Variants in YME1L1 observed in about 807,000 individuals in gnomAD.
The protein encoded by YME1L1 is YME1 like 1 ATPase.
In YME1L1, 39 loss-of-function variants were observed where a neutral mutation model predicts 90.4. The observed-to-expected ratio is 0.43, with a 90% CI of 0.33 to 0.56. YME1L1 has a LOEUF of 0.56. Ranked by LOEUF, YME1L1 falls within the 20% of genes least tolerant of loss-of-function variation. YME1L1 has a pLI of 0.03. For missense variants in YME1L1, 617 were observed against 868.4 expected, an observed-to-expected ratio of 0.71 and a Z score of 3.64; for synonymous variants, 284 against 287.3, an observed-to-expected ratio of 0.99 and a Z score of 0.12.
intron 1 of YME1L1, 29 bp downstream of exon 1, chr10:27,154,148 GA>G (rs750650848): frequency 3.0e-5 from 47 of 1,574,532 alleles, no homozygotes; most frequent in South Asian, 4.6e-5. Flanking sequence ...AGGGCGGGAG[GA>G]AAAAAAATGG....
intron 2 of YME1L1, chr10:27,147,553 A>G: frequency 6.2e-7 from 1 of 1,608,830 alleles, no homozygotes; most frequent in Non-Finnish European, 8.5e-7. Flanking sequence ...GGTTGTGTCC[A>G]AGCTCTTCTT....
At chr10:27,113,260 A>AT (rs1564453899) in intron 18 of YME1L1, among the ~76,000 whole-genome samples, 1 of 111,616 alleles carries the variant, frequency 9.0e-6, no homozygotes, top group Admixed American at 1.0e-4. Context: ...AAAAAAAAAA[A>AT]AAAGACCTGC....
rs977813176 is a variant in YME1L1 at position 27,148,889 on chromosome 10, C to G, written c.168+17G>C. ...ATATCAAAAAGGCTTTCTCACACAA[C>G]CAGGATAAAGACTTACCTCACTGCT... On this transcript the variant is annotated intron_variant, in intron 2 of 18. Coordinates refer to ENST00000376016, the MANE Select transcript of YME1L1 (RefSeq NM_014263.4). The G allele has an allele frequency of 6.2e-7, 1 of 1,612,740 alleles. No homozygotes were observed. Among genetic ancestry groups the G allele is most frequent in the African/African-American group, 1.3e-5 (1 of 74,946 alleles).
intron 9 of YME1L1, among the ~76,000 whole-genome samples, chr10:27,125,458 G>GAA (rs68143135): frequency 0.054 from 5,826 of 107,482 alleles, 447 homozygotes; most frequent in African/African-American, 0.14. Flanking sequence ...TGTTTCATTT[G>GAA]AAAAAAAAAA....
Position 27,154,213 on chromosome 10 carries a change from C to G in YME1L1, c.-3G>C. 1.3e-6 allele frequency: 2 copies of G among 1,589,008 alleles called. No individual in the cohort carries two copies. The highest frequency in any genetic ancestry group is 1.7e-6 in the Non-Finnish European group (2 of 1,166,964). On this transcript the variant is annotated 5_prime_UTR_variant, in exon 1 of 19. Coordinates refer to ENST00000376016, the MANE Select transcript of YME1L1 (RefSeq NM_014263.4). The stretch of plus-strand genomic sequence containing the variant: ...ACCGTGCTCGACAAGGAAAACATCT[C>G]CGGCGGGCCCTCAGCGACCTCACCC...
chr10:27,150,923 T>C (rs1173582256), intron 1 of YME1L1, among the ~76,000 whole-genome samples: 1 of 82,102 alleles, frequency 1.2e-5, no homozygotes, highest in East Asian at 3.8e-4. Flanking sequence ...CTCTCGCCTT[T>C]TTTTTTTTTT....
chr10:27,132,051 C>A, intron 7 of YME1L1, 110 bp from the exon 8 acceptor site: 1 of 753,882 alleles, frequency 1.3e-6, no homozygotes, highest in Non-Finnish European at 2.1e-6. Flanking sequence ...GTCTAAGTGA[C>A]CTAACTTCAC....
intron 10 of YME1L1, 151 bp from the exon 11 acceptor site, chr10:27,123,124 T>C (rs1404301491): frequency 4.1e-6 from 4 of 968,794 alleles, no homozygotes; most frequent in African/African-American, 1.6e-5. Context: ...GACTTAAAAA[T>C]AGTATCTTCA....
intron 8 of YME1L1, among the ~76,000 whole-genome samples, chr10:27,131,303 A>G (rs575058800): frequency 4.3e-4 from 65 of 152,374 alleles, no homozygotes; most frequent in Non-Finnish European, 7.2e-4. Context: ...TTTAAACTCT[A>G]AGAATGCAGA....
chr10:27,148,051 G>A (rs2057165552), intron 2 of YME1L1, among the ~76,000 whole-genome samples: 1 of 152,034 alleles, frequency 6.6e-6, no homozygotes, highest in Non-Finnish European at 1.5e-5. Context: ...CTCTATCTCA[G>A]CCCTAGAAGT....
intron 2 of YME1L1, 38 bp downstream of exon 2, chr10:27,148,868 C>T: frequency 6.2e-7 from 1 of 1,610,532 alleles, no homozygotes; most frequent in East Asian, 2.2e-5. Context: ...AACTGTATAT[C>T]AAAAAGGCTT....
chr10:27,126,170 C>T (rs185576614), intron 9 of YME1L1, among the ~76,000 whole-genome samples: 4 of 152,000 alleles, frequency 2.6e-5, no homozygotes, highest in African/African-American at 4.8e-5. Flanking sequence ...AGGTTGAGTG[C>T]GCTGGCTCAT....
At chr10:27,128,153 C>CTA (rs778796207) in intron 8 of YME1L1, among the ~76,000 whole-genome samples, 14 of 152,002 alleles carry the variant, frequency 9.2e-5, no homozygotes, top group Non-Finnish European at 1.8e-4. Context: ...ATTTTTAAGG[C>CTA]TATATATATA....
intron 2 of YME1L1, chr10:27,147,749 A>G: frequency 2.0e-6 from 3 of 1,526,146 alleles, no homozygotes; most frequent in Non-Finnish European, 2.7e-6. Flanking sequence ...TGGTTTCTAT[A>G]GCATCTGGCT....
At chr10:27,124,648 T>A (rs1026770654) in intron 9 of YME1L1, among the ~76,000 whole-genome samples, 17 of 152,226 alleles carry the variant, frequency 1.1e-4, no homozygotes, top group Non-Finnish European at 2.2e-4. Flanking sequence ...CATCTTGGTA[T>A]CTGAAGATTT....
chr10:27,131,162 C>T (rs2056973860), intron 8 of YME1L1, among the ~76,000 whole-genome samples: 1 of 152,184 alleles, frequency 6.6e-6, no homozygotes, highest in Admixed American at 6.5e-5. Flanking sequence ...CCATTTAAAA[C>T]TGTAAGCCTT....
At chr10:27,114,151 G>A (rs113650240) in intron 18 of YME1L1, among the ~76,000 whole-genome samples, 7,896 of 152,056 alleles carry the variant, frequency 0.052, 216 homozygotes, top group African/African-American at 0.068. Flanking sequence ...TTGTATAGTG[G>A]TAAAGTCTGG....
At chr10:27,136,117 G>A (rs1406543860) in intron 5 of YME1L1, among the ~76,000 whole-genome samples, 159 bp downstream of exon 5, 1 of 152,200 alleles carries the variant, frequency 6.6e-6, no homozygotes, top group African/African-American at 2.4e-5. Flanking sequence ...GTGCCCAGAA[G>A]AGTTAGAGGT....
chr10:27,134,242 TG>T, intron 6 of YME1L1, 120 bp from the exon 7 acceptor site: 1 of 819,842 alleles, frequency 1.2e-6, no homozygotes, highest in Non-Finnish European at 1.9e-6. Flanking sequence ...TTTTGGAATC[TG>T]GCATTCTTTC....
Sources: gnomAD v4.1 joint callset for allele counts (sites outside exome capture counted in the v4.1 genomes callset) on GRCh38, gnomAD v4.1.1 for gene constraint, MANE v1.5 for transcripts, NCBI Gene and HGNC (gene_info 2026-07-23, HGNC 2026-07-21) for gene names.